The following DVL1 variants were observed in gnomAD, a reference collection of about 807,000 sequenced individuals.
The protein encoded by DVL1 is segment polarity protein dishevelled homolog DVL-1.
In DVL1, 49 loss-of-function variants were observed where a neutral mutation model predicts 65.0. The observed-to-expected ratio is 0.75, with a 90% CI of 0.60 to 0.96. The LOEUF (loss-of-function observed/expected upper bound fraction) is 0.96, where lower values mean the gene tolerates loss of function less well. Among genes scored for constraint, DVL1 ranks in the 40% least tolerant of loss-of-function variants. DVL1 has a pLI of 0.00. For missense variants in DVL1, 1,197 were observed against 1,045.4 expected (o/e 1.15, Z -2.00); for synonymous variants, 608 against 433.9 (o/e 1.40, Z -4.99).
Position 1,348,880 on chromosome 1 carries a change from C to A in DVL1, c.170+16G>T. 2 of 1,526,710 alleles carry A rather than the reference C, an allele frequency of 1.3e-6. No individual in the cohort carries two copies. The highest frequency in any genetic ancestry group is 1.8e-6 in the Non-Finnish European group (2 of 1,133,972). 94.6% of individuals were successfully genotyped at this position (1,526,710 alleles called of 1,614,324 possible). A position where few individuals can be genotyped will look rare whatever the true frequency, so the allele number is the denominator to read the frequency against. ...GAGCCCGCGCCAGGCTCGCGCAGGC[C>A]TCGCGGCCGACTGACCCGAAGTCCT... On this transcript the variant is annotated intron_variant, in intron 1 of 14. Transcript: ENST00000378888.
intron 12 of DVL1, 35 bp downstream of exon 12, chr1:1,338,487 C>T: frequency 6.2e-7 from 1 of 1,611,316 alleles, no homozygotes; most frequent in East Asian, 2.2e-5. Context: ...CAGCCCTGCC[C>T]CTGGCACTAT....
In DVL1 at chr1:1,339,387, T is replaced by C; in HGVS notation, c.1107A>G (p.Ala369=). ...CGTAGCGGGGCAGGGCTCCTGTCAG[T>C]GCCGCCGTGTGGGACAGCCAGGCGG... ...DPAAWLSHTA[A]LTGALPRYGT... The change falls in exon 11 of 15, where the codon GCA becomes GCG. Residue 369 remains alanine (A), a synonymous_variant. Coordinates refer to ENST00000378888, the MANE Select transcript of DVL1 (RefSeq NM_001330311.2). The C allele has an allele frequency of 6.5e-7, 1 of 1,547,896 alleles. No individual in the cohort carries two copies. The highest frequency in any genetic ancestry group is 8.7e-7 in the Non-Finnish European group (1 of 1,146,366).
In DVL1 at chr1:1,336,302, G is replaced by C. The variant is rs780834482; in HGVS notation, c.1928C>G (p.Pro643Arg). ...ATAGGCCTTGGTCGTGGGGTGGGGCGGGGGGAGCCCCGGGGCGGTAGCCGA... is the reference window on the plus strand; with the variant it reads ...ATAGGCCTTGGTCGTGGGGTGGGGCCGGGGGAGCCCCGGGGCGGTAGCCGA... ...QASATAPGLP[P>R]PHPTTKAYTV... The change falls in exon 15 of 15, where the codon CCG (proline) becomes CGG (arginine). Residue 643 changes from proline to arginine, a missense_variant. Pro to Arg is a moderately radical substitution (Grantham distance 103). Transcript: ENST00000378888. The C allele has an allele frequency of 2.6e-6, 4 of 1,562,438 alleles. No individual in the cohort carries two copies. The highest frequency in any genetic ancestry group is 8.6e-7 in the Non-Finnish European group (1 of 1,160,638).
At position 1,336,295 on chromosome 1, in the gene DVL1, G is replaced by T; in HGVS notation, c.1935C>A (p.His645Gln). Residue 645 changes from histidine to glutamine, a missense_variant, in exon 15 of 15, where the codon CAC becomes CAA. Physicochemically the swap from His to Gln is conservative, Grantham distance 24 (BLOSUM62 0). Transcript: ENST00000378888. ...SATAPGLPPP[H>Q]PTTKAYTVVG... is the part of the protein sequence containing the mutation. ...CCACTGTATAGGCCTTGGTCGTGGGGTGGGGCGGGGGGAGCCCCGGGGCGG... is the reference window on the plus strand; with the variant it reads ...CCACTGTATAGGCCTTGGTCGTGGGTTGGGGCGGGGGGAGCCCCGGGGCGG... 6.4e-7 allele frequency: 1 copy of T among 1,563,866 alleles called. No homozygotes were observed. The highest frequency in any genetic ancestry group is 8.6e-7 in the Non-Finnish European group (1 of 1,161,324).
chr1:1,337,159 G>T, intron 14 of DVL1: 1 of 949,302 alleles, frequency 1.1e-6, no homozygotes, highest in Non-Finnish European at 1.3e-6. Flanking sequence ...CGGGCTGGGC[G>T]GGGCTGAAGT....
intron 1 of DVL1, among the ~76,000 whole-genome samples, chr1:1,344,251 G>A (rs1215740569): frequency 1.3e-5 from 2 of 152,214 alleles, no homozygotes; most frequent in Non-Finnish European, 2.9e-5. Context: ...ATAGGAGCCC[G>A]GAGACGGGGC....
intron 10 of DVL1, 34 bp downstream of exon 10, chr1:1,339,548 C>A: frequency 6.3e-7 from 1 of 1,579,170 alleles, no homozygotes; most frequent in East Asian, 2.3e-5. Flanking sequence ...CGCCCCCTCC[C>A]CATCCCGCCC....
chr1:1,337,592 T>G, intron 14 of DVL1: 4 of 396,628 alleles, frequency 1.0e-5, no homozygotes, highest in East Asian at 6.2e-5. Flanking sequence ...GCCTCTACCA[T>G]AGGAGAACCA....
At chr1:1,336,770 C>T (rs1331890640) in intron 14 of DVL1, among the ~76,000 whole-genome samples, 2 of 152,178 alleles carry the variant, frequency 1.3e-5, no homozygotes, top group South Asian at 2.1e-4. Flanking sequence ...CACCTCACCC[C>T]GATGCTTGAG....
In DVL1 at chr1:1,340,569, C is replaced by T. The variant is rs1643764663; in HGVS notation, c.606-66G>A. The T allele has an allele frequency of 3.3e-6, 5 of 1,507,888 alleles. No individual in the cohort carries two copies. In the East Asian group the frequency reaches 1.2e-4, roughly 37 times the overall value. The allele number at this position is 1,507,888 out of a possible 1,614,324, so 93.4% of individuals were successfully genotyped here. ...GGGTAGGGGGGTGGGAACCCGCTCC[C>T]CCAATACTGAGTGGGAATCGGGGGT... is the stretch of plus-strand genomic sequence containing the variant. On this transcript the variant is annotated intron_variant, in intron 5 of 14. Coordinates refer to ENST00000378888, the MANE Select transcript of DVL1 (RefSeq NM_001330311.2).
At chr1:1,342,854 C>T in intron 1 of DVL1, 96 bp from the exon 2 acceptor site, 1 of 1,244,976 alleles carries the variant, frequency 8.0e-7, no homozygotes, top group Non-Finnish European at 1.1e-6. Flanking sequence ...CCTGCCCACA[C>T]AATGTCACTC....
intron 1 of DVL1, among the ~76,000 whole-genome samples, chr1:1,347,901 T>C (rs781067457): frequency 2.0e-5 from 3 of 152,164 alleles, no homozygotes; most frequent in Admixed American, 6.5e-5. Context: ...AGATGTCCCT[T>C]GGGCCCCCCT....
intron 1 of DVL1, among the ~76,000 whole-genome samples, chr1:1,348,540 C>T (rs895610927): frequency 2.6e-5 from 4 of 152,350 alleles, no homozygotes; most frequent in African/African-American, 9.6e-5. Flanking sequence ...CACCCTGCTT[C>T]CTTCCCACTG....
intron 1 of DVL1, among the ~76,000 whole-genome samples, chr1:1,345,746 C>T (rs751978849): frequency 1.4e-4 from 21 of 152,194 alleles, no homozygotes; most frequent in Middle Eastern, 3.2e-3. Context: ...GGCGTGGTCC[C>T]GAATGCACCC....
Position 1,336,268 on chromosome 1 carries a change from C to G in DVL1, c.1962G>C (p.Val654=). The G allele has an allele frequency of 2.6e-6, 4 of 1,563,606 alleles. No individual in the cohort carries two copies. Among genetic ancestry groups the G allele is most frequent in the South Asian group, 1.2e-5 (1 of 86,800 alleles). ...CAGGGGGTCCCCCGGGTGGCCCCCC[C>G]ACCACTGTATAGGCCTTGGTCGTGG... ...PHPTTKAYTV[V]GGPPGGPPVR... Residue 654 remains valine (V), a synonymous_variant, in exon 15 of 15, where the codon GTG becomes GTC. Coordinates refer to ENST00000378888, the MANE Select transcript of DVL1 (RefSeq NM_001330311.2).
rs755677662 is a variant in DVL1, at chr1:1,338,112, G to A, written c.1579C>T (p.His527Tyr). 1.9e-6 allele frequency: 3 copies of A among 1,609,654 alleles called. No homozygotes were observed. Among genetic ancestry groups the A allele is most frequent in the South Asian group, 1.1e-5 (1 of 90,832 alleles). The change falls in exon 14 of 15, where the codon CAC becomes TAC. Residue 527 changes from histidine (H) to tyrosine (Y), a missense_variant. Transcript: ENST00000378888. Reference sequence around the variant, plus strand: ...CCCAGAGGCCAGGGGGCAGCCGGGTGGGGCAGCGGGGCCAGCGTGTCCTGA... The same window carrying A: ...CCCAGAGGCCAGGGGGCAGCCGGGTAGGGCAGCGGGGCCAGCGTGTCCTGA... ...SDQDTLAPLP[H>Y]PAAPWPLGQG...
intron 1 of DVL1, among the ~76,000 whole-genome samples, chr1:1,344,414 C>T (rs1034970654): frequency 1.3e-5 from 2 of 152,166 alleles, no homozygotes; most frequent in African/African-American, 2.4e-5. Context: ...AGGAGGCCCC[C>T]GGCAAAGTGG....
In DVL1 at chr1:1,340,305, G is replaced by A; in HGVS notation, c.711C>T (p.Phe237=). Residue 237 remains phenylalanine (F), a synonymous_variant, in exon 7 of 15, where the codon TTC becomes TTT. Coordinates refer to ENST00000378888, the MANE Select transcript of DVL1 (RefSeq NM_001330311.2). ...ACATGGTGGAGTCGGTTATGCTGCT[G>A]AAGGAGGAGGCCTATGGAGGAGAGG... ...RLRQADRASS[F]SSITDSTMSL... is the part of the protein sequence containing the mutation. The A allele has an allele frequency of 6.2e-7, 1 of 1,614,008 alleles. No individual in the cohort carries two copies. Among genetic ancestry groups the A allele is most frequent in the South Asian group, 1.1e-5 (1 of 91,086 alleles).
chr1:1,339,492 G>C, intron 10 of DVL1, 53 bp from the exon 11 acceptor site: 1 of 1,542,388 alleles, frequency 6.5e-7, no homozygotes, highest in Non-Finnish European at 8.8e-7. Context: ...AGGGTGGGAG[G>C]GCAGGGTGCA....
Sources: gnomAD v4.1 joint callset for allele counts (sites outside exome capture counted in the v4.1 genomes callset) on GRCh38, gnomAD v4.1.1 for gene constraint, MANE v1.5 for transcripts, NCBI Gene and HGNC (gene_info 2026-07-23, HGNC 2026-07-21) for gene names.